LARP4B: variants seen among roughly 807,000 people sequenced by gnomAD.
LARP4B encodes la-related protein 4B.
In LARP4B, 12 loss-of-function variants were observed where a neutral mutation model predicts 89.8. The observed-to-expected ratio is 0.13, with a 90% CI of 0.09 to 0.22. The LOEUF (loss-of-function observed/expected upper bound fraction) is 0.22. Ranked by LOEUF, LARP4B falls within the 10% of genes least tolerant of loss-of-function variation. The pLI is 1.00. For synonymous variants in LARP4B, 367 were observed against 363.3 expected, an observed-to-expected ratio of 1.01 and a Z score of -0.12; for missense variants, 757 against 947.7, an observed-to-expected ratio of 0.80 and a Z score of 2.64.
At chr10:832,829 G>T (rs1177290636) in intron 8 of LARP4B, among the ~76,000 whole-genome samples, 2 of 152,192 alleles carry the variant, frequency 1.3e-5, no homozygotes, top group African/African-American at 4.8e-5. Context: ...GAATGTCCAG[G>T]CAGAAGGAAA....
intron 1 of LARP4B, among the ~76,000 whole-genome samples, chr10:912,513 A>C (rs1255709557): frequency 6.6e-6 from 1 of 152,034 alleles, no homozygotes; most frequent in Non-Finnish European, 1.5e-5. Context: ...CATTAAAGTC[A>C]GTAATCTAAC....
rs35541267 is a variant in LARP4B at position 837,939 on chromosome 10, C to CA, written c.647-1434dup. On this transcript the variant is annotated intron_variant, in intron 7 of 17. Transcript: ENST00000316157. ...TGCTTCTCAAAAGACACTGGTAGAACAAAAAAAAAAACAGCTGTACACTTA... is the reference window on the plus strand; with the variant it reads ...TGCTTCTCAAAAGACACTGGTAGAACAAAAAAAAAAAACAGCTGTACACTTA... Among the ~76,000 whole-genome samples the CA allele has an allele frequency of 2.2e-3, 307 of 141,322 alleles. 2 individuals carry two copies. The East Asian group carries it at 0.035, about 16-fold the overall frequency. 92.7% of individuals were successfully genotyped at this position (141,322 alleles called of 152,430 possible). A position where few individuals can be genotyped will look rare whatever the true frequency, so the allele number is the denominator to read the frequency against.
the LARP4B span, chr10:971,640 G>C: frequency 6.6e-6 from 1 of 152,148 alleles, no homozygotes; most frequent in Non-Finnish European, 1.5e-5. Context: ...TTCTGTATTA[G>C]ATATTAAAAC....
At chr10:836,872 C>T (rs190603798) in intron 7 of LARP4B, among the ~76,000 whole-genome samples, 173 of 152,332 alleles carry the variant, frequency 1.1e-3, no homozygotes, top group African/African-American at 3.8e-3. Context: ...CCTCACCTAA[C>T]GGTCGTGCAC....
At chr10:918,444 G>C (rs1362749329) in intron 1 of LARP4B, among the ~76,000 whole-genome samples, 3 of 152,012 alleles carry the variant, frequency 2.0e-5, no homozygotes, top group East Asian at 1.9e-4. Flanking sequence ...ACCAGCCTGT[G>C]CAACAAGATG....
At chr10:843,506 C>T (rs972199639) in intron 6 of LARP4B, among the ~76,000 whole-genome samples, 9 of 152,118 alleles carry the variant, frequency 5.9e-5, no homozygotes, top group Non-Finnish European at 1.2e-4. Flanking sequence ...TAAGACCAGC[C>T]TGACCAACAT....
chr10:956,192 C>G, the LARP4B span, among the ~76,000 whole-genome samples: 1 of 152,186 alleles, frequency 6.6e-6, no homozygotes, highest in East Asian at 1.9e-4. This position sits in a 1 kb window ranked among gnomAD's most constrained non-coding sequence, Gnocchi z 4.3. Flanking sequence ...CCAAGCCAAC[C>G]CCTACAGCTG....
chr10:924,928 G>GATATT (rs1249536886), intron 1 of LARP4B, among the ~76,000 whole-genome samples: 2 of 152,214 alleles, frequency 1.3e-5, no homozygotes, highest in East Asian at 3.8e-4. Flanking sequence ...CTAAGGCTTA[G>GATATT]GTTCATACTG....
In LARP4B at chr10:812,821, A is replaced by C; in HGVS notation, c.*105T>G. ...CCAACTTGAGGATCCCACAGGCCTC[A>C]GACACTGCAAGCTCCTAACCAGCGG... is the stretch of plus-strand genomic sequence containing the variant. On this transcript the variant is annotated 3_prime_UTR_variant, in exon 18 of 18. Transcript: ENST00000316157. The C allele has an allele frequency of 9.5e-7, 1 of 1,049,582 alleles. No homozygotes were observed. Among genetic ancestry groups the C allele is most frequent in the Non-Finnish European group, 1.3e-6 (1 of 783,282 alleles). The allele number at this position is 1,049,582 out of a possible 1,614,324, so 65.0% of individuals were successfully genotyped here. A position where few individuals can be genotyped will look rare whatever the true frequency, so the allele number is the denominator to read the frequency against.
At chr10:896,983 G>A (rs1345722860) in intron 1 of LARP4B, among the ~76,000 whole-genome samples, 1 of 146,922 alleles carries the variant, frequency 6.8e-6, no homozygotes, top group Non-Finnish European at 1.5e-5. Context: ...CACTTTTGTG[G>A]GAGAATTTTT....
At chr10:964,422 GTT>G in the LARP4B span, among the ~76,000 whole-genome samples, 46 of 150,842 alleles carry the variant, frequency 3.0e-4, no homozygotes, top group African/African-American at 9.2e-4. Context: ...AGTTATATCT[GTT>G]TTTTTTTTTC....
intron 15 of LARP4B, 143 bp from the exon 16 acceptor site, chr10:815,213 TCA>T: frequency 2.1e-6 from 2 of 934,256 alleles, no homozygotes; most frequent in Non-Finnish European, 3.0e-6. Flanking sequence ...AGCAAAAATG[TCA>T]CAGAGCCCAG....
At chr10:816,108 A>C (rs1832041670) in intron 15 of LARP4B, among the ~76,000 whole-genome samples, 1 of 152,236 alleles carries the variant, frequency 6.6e-6, no homozygotes. Context: ...GCATGCCTGT[A>C]GTCCCAGCTA....
At chr10:859,527 T>C (rs1834483600) in intron 5 of LARP4B, among the ~76,000 whole-genome samples, 1 of 152,174 alleles carries the variant, frequency 6.6e-6, no homozygotes, top group African/African-American at 2.4e-5. Flanking sequence ...CACTCCTGGG[T>C]ATTTACCCAA....
rs11253470 is a variant in LARP4B at position 857,595 on chromosome 10, A to G, written c.430+6148T>C. 4.1e-4 allele frequency among the ~76,000 whole-genome samples: 63 copies of G among 152,312 alleles called. No individual in the cohort carries two copies. The East Asian group carries it at 0.011, about 26-fold the overall frequency. On this transcript the variant is annotated intron_variant, in intron 5 of 17. Transcript: ENST00000316157. Reference sequence around the variant, plus strand: ...GGATCAGGTCGGGTGGCCGGTCTGAAGACAGGAACCCAAGACTTTTTGTTC... The same window carrying G: ...GGATCAGGTCGGGTGGCCGGTCTGAGGACAGGAACCCAAGACTTTTTGTTC...
chr10:986,417 G>C, the LARP4B span: 1 of 152,324 alleles, frequency 6.6e-6, no homozygotes, highest in South Asian at 2.1e-4. Flanking sequence ...TTTAGAGTTT[G>C]GCTTCCCCAG....
At chr10:893,082 T>C (rs906695921) in intron 1 of LARP4B, among the ~76,000 whole-genome samples, 4 of 150,260 alleles carry the variant, frequency 2.7e-5, no homozygotes, top group Admixed American at 6.7e-5. Flanking sequence ...TTTTTTTTCT[T>C]TTTTTTTTCC....
intron 15 of LARP4B, among the ~76,000 whole-genome samples, chr10:817,511 T>C (rs1832125470): frequency 6.6e-6 from 1 of 152,208 alleles, no homozygotes; most frequent in Non-Finnish European, 1.5e-5. Flanking sequence ...TTTCTACCTC[T>C]GACTTCATCA....
rs956745614 is a variant in LARP4B at position 925,680 on chromosome 10, C to T, written c.-40+5748G>A. ...TCCCAAGTAGCTGGGATTACGAGCA[C>T]GCACCACCACGCCTGGCTAATTTTT... On this transcript the variant is annotated intron_variant, in intron 1 of 17. Transcript: ENST00000316157. Among the ~76,000 whole-genome samples the T allele has an allele frequency of 6.6e-5, 10 of 152,042 alleles. No homozygotes were observed. In the East Asian group the frequency reaches 9.7e-4, roughly 15 times the overall value.
Sources: gnomAD v4.1 joint callset for allele counts (sites outside exome capture counted in the v4.1 genomes callset) on GRCh38, gnomAD v4.1.1 for gene constraint, Gnocchi (gnomAD v3.1) non-coding constraint, MANE v1.5 for transcripts, NCBI Gene and HGNC (gene_info 2026-07-23, HGNC 2026-07-21) for gene names.